Variants in MYO19 observed in about 807,000 individuals in gnomAD.
MYO19 encodes the protein unconventional myosin-XIX.
In MYO19, 132 loss-of-function variants were observed where a neutral mutation model predicts 129.2. The ratio of observed to expected loss-of-function variants is 1.02; its 90% CI spans 0.89 to 1.18. The LOEUF is 1.18. Ranked by LOEUF, MYO19 falls within the 50% of genes most tolerant of loss-of-function variation. The pLI is 0.00. For synonymous variants in MYO19, 531 were observed against 477.2 expected (o/e 1.11, Z -1.47); for missense variants, 1,210 against 1,216.7 (o/e 0.99, Z 0.08).
intron 3 of MYO19, among the ~76,000 whole-genome samples, chr17:36,531,416 A>T (rs972159119): frequency 2.7e-5 from 4 of 146,852 alleles, no homozygotes; most frequent in Admixed American, 6.7e-5. Flanking sequence ...AAAAAAAAAA[A>T]TTGGAAAATA....
upstream of MYO19, among the ~76,000 whole-genome samples, chr17:36,544,035 T>A (rs2074218843): frequency 6.6e-6 from 1 of 152,118 alleles, no homozygotes; most frequent in South Asian, 2.1e-4. Context: ...ACAACAGACC[T>A]CCAAAACCTT....
At chr17:36,538,512 A>G (rs760941823), upstream of MYO19, 15 of 1,613,870 alleles carry the variant, frequency 9.3e-6, no homozygotes, top group Non-Finnish European at 1.1e-5. Flanking sequence ...TACATTACAC[A>G]GCAGTACCTT....
intron 20 of MYO19, among the ~76,000 whole-genome samples, 192 bp from the exon 21 acceptor site, chr17:36,503,392 A>G (rs1286303172): frequency 6.6e-6 from 1 of 152,206 alleles, no homozygotes; most frequent in South Asian, 2.1e-4. Flanking sequence ...GGAAACCCAT[A>G]AAGACTATTT....
At chr17:36,509,209 A>C in intron 13 of MYO19, 74 bp from the exon 14 acceptor site, 1 of 1,361,562 alleles carries the variant, frequency 7.3e-7, no homozygotes, top group Non-Finnish European at 1.0e-6. Context: ...TGCTCCCCCC[A>C]TCAGGGTGCT....
chr17:36,515,575 G>A (rs1007550002), intron 7 of MYO19, among the ~76,000 whole-genome samples: 3 of 152,158 alleles, frequency 2.0e-5, no homozygotes, highest in Admixed American at 6.5e-5. Flanking sequence ...CAGGAAACTG[G>A]ATAGAAAGAC....
At chr17:36,503,919 C>T in intron 20 of MYO19, 31 bp downstream of exon 20, 2 of 1,554,988 alleles carry the variant, frequency 1.3e-6, no homozygotes, top group Non-Finnish European at 1.7e-6. Flanking sequence ...CTGTACTGGC[C>T]CTGCACTGTG....
At chr17:36,527,911 A>G (rs922485985) in intron 4 of MYO19, among the ~76,000 whole-genome samples, 153 bp downstream of exon 4, 10 of 152,208 alleles carry the variant, frequency 6.6e-5, no homozygotes, top group African/African-American at 2.2e-4. Context: ...TGCAGCTGTC[A>G]TGCTCCCTCA....
chr17:36,529,342 A>G (rs1485370329), intron 3 of MYO19, among the ~76,000 whole-genome samples: 4 of 151,918 alleles, frequency 2.6e-5, no homozygotes, highest in Admixed American at 2.0e-4. Context: ...TTCTTGATGT[A>G]TCATCCCTCC....
chr17:36,503,945 C>G lies in MYO19; in HGVS notation c.1976+5G>C. ...CTGCACTGTGCCGTGATCGAGCCCACTCACCGGATGGGGAAGCCAGCAGCA... is the reference window on the plus strand; with the variant it reads ...CTGCACTGTGCCGTGATCGAGCCCAGTCACCGGATGGGGAAGCCAGCAGCA... On this transcript the variant is annotated splice_donor_5th_base_variant and intron_variant, in intron 20 of 25. Coordinates refer to ENST00000614623, the MANE Select transcript of MYO19 (RefSeq NM_001163735.2). 6.3e-7 allele frequency: 1 copy of G among 1,587,700 alleles called. No homozygotes were observed. Among genetic ancestry groups the G allele is most frequent in the Non-Finnish European group, 8.6e-7 (1 of 1,168,136 alleles).
In MYO19 at chr17:36,534,861, G is replaced by C. The variant is rs535666051; in HGVS notation, c.-396C>G. Reference sequence around the variant, plus strand: ...CGGCGGGAAGAACACGGGCAGGAGAGAAAAGAGGAGGGGCAAGAGCGTGCA... The same window carrying C: ...CGGCGGGAAGAACACGGGCAGGAGACAAAAGAGGAGGGGCAAGAGCGTGCA... On this transcript the variant is annotated 5_prime_UTR_variant, in exon 1 of 26. Coordinates refer to ENST00000614623, the MANE Select transcript of MYO19 (RefSeq NM_001163735.2). 1 of 152,388 alleles carries C rather than the reference G, an allele frequency of 6.6e-6. No homozygotes were observed. Among genetic ancestry groups the C allele is most frequent in the African/African-American group, 2.4e-5 (1 of 41,464 alleles). The allele number at this position is 152,388 out of a possible 1,614,324, so 9.4% of individuals were successfully genotyped here. A position where few individuals can be genotyped will look rare whatever the true frequency, so the allele number is the denominator to read the frequency against.
rs771838571 is a variant in MYO19 at position 36,496,123 on chromosome 17, G to A, written c.*128C>T. On this transcript the variant is annotated 3_prime_UTR_variant, in exon 26 of 26. Coordinates refer to ENST00000614623, the MANE Select transcript of MYO19 (RefSeq NM_001163735.2). ...GGCACGGGGCTCTGGGTCGAAGGCT[G>A]GAGCCGTCACTGTTGTTCATGTGCA... is the stretch of plus-strand genomic sequence containing the variant. The A allele has an allele frequency of 8.4e-6, 11 of 1,301,988 alleles. No individual in the cohort carries two copies. Among genetic ancestry groups the A allele is most frequent in the Admixed American group, 2.0e-5 (1 of 50,384 alleles). 80.7% of individuals were successfully genotyped at this position (1,301,988 alleles called of 1,614,324 possible).
Position 36,499,248 on chromosome 17 carries a change from T to C in MYO19, c.2378-88A>G, listed in dbSNP as rs2071282506. On this transcript the variant is annotated intron_variant, in intron 23 of 25. Coordinates refer to ENST00000614623, the MANE Select transcript of MYO19 (RefSeq NM_001163735.2). ...CTCGCTGCAGCAGCACCACAGTTGCTGTCAAAGTTTCAAATACGTTTTTTT... is the reference window on the plus strand; with the variant it reads ...CTCGCTGCAGCAGCACCACAGTTGCCGTCAAAGTTTCAAATACGTTTTTTT... The C allele has an allele frequency of 5.4e-6, 5 of 930,468 alleles. 1 individual carries two copies. Among genetic ancestry groups the C allele is most frequent in the South Asian group, 3.1e-5 (2 of 64,644 alleles). The allele number at this position is 930,468 out of a possible 1,614,324, so 57.6% of individuals were successfully genotyped here.
At chr17:36,538,703 T>C, upstream of MYO19, 1 of 1,091,540 alleles carries the variant, frequency 9.2e-7, no homozygotes, top group East Asian at 2.5e-5. Context: ...GCAACAGTGT[T>C]AACCATATTT....
rs533481134 is a variant in MYO19 at position 36,501,458 on chromosome 17, C to T, written c.2081-223G>A. The T allele has an allele frequency of 1.2e-5, 6 of 494,470 alleles. No individual in the cohort carries two copies. In the South Asian group the frequency reaches 1.5e-4, roughly 12 times the overall value. 30.6% of individuals were successfully genotyped at this position (494,470 alleles called of 1,614,324 possible). The stretch of plus-strand genomic sequence containing the variant: ...CGTGGAGCCTTGGAATACCCACTTG[C>T]GCCTGTGTGTCCTGGGGTGTCCCAC... On this transcript the variant is annotated intron_variant, in intron 21 of 25. Transcript: ENST00000614623.
intron 6 of MYO19, among the ~76,000 whole-genome samples, chr17:36,521,887 T>C (rs2073149452): frequency 6.6e-6 from 1 of 151,350 alleles, no homozygotes; most frequent in Non-Finnish European, 1.5e-5. Flanking sequence ...AAAAATTAGC[T>C]GGGTGTGGTG....
intron 3 of MYO19, among the ~76,000 whole-genome samples, chr17:36,530,386 GAAGGATTTAGA>G (rs1004535460): frequency 1.3e-5 from 2 of 150,812 alleles, no homozygotes; most frequent in African/African-American, 4.9e-5. Context: ...AAAAACACAC[GAAGGATTTAGA>G]AAGGCCATCT....
chr17:36,530,755 G>C (rs1292588188), intron 3 of MYO19, among the ~76,000 whole-genome samples: 1 of 152,058 alleles, frequency 6.6e-6, no homozygotes, highest in Non-Finnish European at 1.5e-5. Flanking sequence ...CAAGTAACTG[G>C]GATCACAGGC....
At chr17:36,530,599 G>A (rs2073776135) in intron 3 of MYO19, among the ~76,000 whole-genome samples, 1 of 150,630 alleles carries the variant, frequency 6.6e-6, no homozygotes, top group Non-Finnish European at 1.5e-5. Context: ...TGGGACTACA[G>A]GCACGCGTAA....
At chr17:36,525,424 A>C in intron 5 of MYO19, 83 bp from the exon 6 acceptor site, 2 of 1,049,934 alleles carry the variant, frequency 1.9e-6, no homozygotes, top group Non-Finnish European at 2.9e-6. Flanking sequence ...TGAGATGGGG[A>C]GGCTGCCAAT....
Sources: allele counts gnomAD v4.1 joint callset (sites outside exome capture counted in the v4.1 genomes callset), GRCh38; gene constraint gnomAD v4.1.1; transcripts MANE v1.5; gene names NCBI Gene and HGNC (gene_info 2026-07-23, HGNC 2026-07-21).